The following SLC36A1 variants were observed in gnomAD, a reference collection of about 807,000 sequenced individuals.
SLC36A1 encodes solute carrier family 36 member 1.
A neutral mutation model predicts 47.5 loss-of-function variants in SLC36A1; 30 were observed. The ratio of observed to expected loss-of-function variants is 0.63; its 90% CI spans 0.47 to 0.86. SLC36A1 has a LOEUF of 0.86. Among genes scored for constraint, SLC36A1 ranks in the 40% least tolerant of loss-of-function variants. SLC36A1 has a pLI of 0.00. For missense variants in SLC36A1, 517 were observed against 606.0 expected (o/e 0.85, Z 1.54); for synonymous variants, 255 against 249.7 (o/e 1.02, Z -0.20).
rs183643015 is a variant in SLC36A1 at position 151,485,455 on chromosome 5, T to C, written c.1160-2528T>C. Among the ~76,000 whole-genome samples the C allele has an allele frequency of 6.6e-5, 10 of 152,314 alleles. No individual in the cohort carries two copies. The East Asian group carries it at 1.7e-3, about 26-fold the overall frequency. ...TGATCGTGTGCTGGGTTCTCCACCATGCACCATGGTGCATCCCTGTGAAAG... is the reference window on the plus strand; with the variant it reads ...TGATCGTGTGCTGGGTTCTCCACCACGCACCATGGTGCATCCCTGTGAAAG... On this transcript the variant is annotated intron_variant, in intron 10 of 10. Transcript: ENST00000243389.
At chr5:151,549,133 G>T in the SLC36A1 span, among the ~76,000 whole-genome samples, 2 of 152,288 alleles carry the variant, frequency 1.3e-5, no homozygotes, top group East Asian at 3.9e-4. Context: ...ACCTTTGGAA[G>T]TGCATTAATT....
At chr5:151,365,323 G>A in the SLC36A1 span, among the ~76,000 whole-genome samples, 1 of 152,326 alleles carries the variant, frequency 6.6e-6, no homozygotes, top group African/African-American at 2.4e-5. Context: ...TAGATGTGAT[G>A]TTAATGCTCA....
chr5:151,458,836 G>A lies in SLC36A1; in HGVS notation c.44G>A (p.Ser15Asn). The change falls in exon 2 of 11, where the codon AGC (serine) becomes AAC (asparagine). Residue 15 changes from serine (S) to asparagine (N), a missense_variant. By Grantham distance (46) the Ser-to-Asn change is conservative. Transcript: ENST00000243389. The part of the protein sequence containing the change: ...RLRNEDYHDY[S>N]STDVSPEESP... The stretch of plus-strand genomic sequence containing the variant: ...CGGAATGAAGACTACCACGACTACA[G>A]CTCCACGGACGTGAGCCCTGAGGAG... 1.9e-6 allele frequency: 3 copies of A among 1,614,080 alleles called. No individual in the cohort carries two copies. Among genetic ancestry groups the A allele is most frequent in the African/African-American group, 1.3e-5 (1 of 75,032 alleles).
chr5:151,514,764 C>T, the SLC36A1 span, among the ~76,000 whole-genome samples: 3,527 of 152,272 alleles, frequency 0.023, 49 homozygotes, highest in Non-Finnish European at 0.035. Flanking sequence ...CCTGCAGGCA[C>T]TTTCACCATC....
the SLC36A1 span, chr5:151,381,208 T>G: frequency 2.7e-6 from 1 of 370,202 alleles, no homozygotes; most frequent in South Asian, 2.6e-5. Context: ...ATGGACTATA[T>G]GCCTCCTCCT....
At chr5:151,352,624 T>C in the SLC36A1 span, among the ~76,000 whole-genome samples, 1 of 152,226 alleles carries the variant, frequency 6.6e-6, no homozygotes, top group Non-Finnish European at 1.5e-5. Flanking sequence ...CCAGAGGCTA[T>C]GAAGGAAAAT....
chr5:151,476,559 C>T, intron 8 of SLC36A1, 31 bp from the exon 9 acceptor site: 3 of 1,409,862 alleles, frequency 2.1e-6, no homozygotes, highest in Admixed American at 2.5e-5. Context: ...TTTTTCTGCA[C>T]TTTCTCTCCT....
At chr5:151,441,001 GC>G (rs1161719663) in intron 1 of SLC36A1, among the ~76,000 whole-genome samples, 1 of 152,196 alleles carries the variant, frequency 6.6e-6, no homozygotes, top group East Asian at 1.9e-4. Flanking sequence ...TTTTCAAAAT[GC>G]AGATTGCTGT....
chr5:151,474,159 C>CAAAAAAAAAAAAAAAAAAAAAAA (rs1156305401), intron 8 of SLC36A1, among the ~76,000 whole-genome samples: 12 of 59,944 alleles, frequency 2.0e-4, no homozygotes, highest in African/African-American at 1.0e-3. Flanking sequence ...GACTCTGTCT[C>CAAAAAAAAAAAAAAAAAAAAAAA]AAAAAAAAAA....
chr5:151,365,832 C>T, the SLC36A1 span, among the ~76,000 whole-genome samples: 3 of 152,164 alleles, frequency 2.0e-5, no homozygotes, highest in African/African-American at 4.8e-5. Flanking sequence ...AGTGGCATAA[C>T]GTATGGGATG....
intron 7 of SLC36A1, among the ~76,000 whole-genome samples, chr5:151,473,191 TA>T (rs1757560166): frequency 6.8e-6 from 1 of 148,128 alleles, no homozygotes. Context: ...GATAGATAGA[TA>T]GATAGATAGA....
the SLC36A1 span, among the ~76,000 whole-genome samples, chr5:151,424,677 A>G: frequency 1.3e-5 from 2 of 151,672 alleles, no homozygotes; most frequent in Admixed American, 6.6e-5. Flanking sequence ...GATGAGAATA[A>G]TCATTAATAA....
upstream of SLC36A1, among the ~76,000 whole-genome samples, chr5:151,447,166 G>C: frequency 6.6e-6 from 1 of 152,276 alleles, no homozygotes; most frequent in South Asian, 2.1e-4. Context: ...TTAAAAATTT[G>C]AATGTATTAA....
chr5:151,426,277 G>A, the SLC36A1 span, among the ~76,000 whole-genome samples: 1 of 151,986 alleles, frequency 6.6e-6, no homozygotes. Flanking sequence ...GGGGACCGGT[G>A]CTCAGCATAT....
At chr5:151,365,889 C>A in the SLC36A1 span, among the ~76,000 whole-genome samples, 3 of 152,118 alleles carry the variant, frequency 2.0e-5, no homozygotes, top group Non-Finnish European at 4.4e-5. Context: ...TTGGTGGTGC[C>A]TCCTGGTGGT....
At chr5:151,521,435 A>C in the SLC36A1 span, 8 of 1,614,088 alleles carry the variant, frequency 5.0e-6, no homozygotes, top group Non-Finnish European at 6.8e-6. Flanking sequence ...GGCATAGCTG[A>C]CCGCATCTGA....
At chr5:151,521,125 C>T in the SLC36A1 span, 1 of 714,006 alleles carries the variant, frequency 1.4e-6, no homozygotes, top group African/African-American at 1.8e-5. Flanking sequence ...TTTTGTGAGG[C>T]CACTAGCCGT....
the SLC36A1 span, among the ~76,000 whole-genome samples, chr5:151,517,435 G>A: frequency 6.6e-6 from 1 of 152,226 alleles, no homozygotes; most frequent in Admixed American, 6.5e-5. Context: ...ATATCTCCAG[G>A]TTGGGTGGCT....
In SLC36A1 at chr5:151,473,967, C is replaced by T. The variant is rs543588492; in HGVS notation, c.822+196C>T. ...TTGAGGTCAGGAGTTCGAAACCAGC[C>T]TGGCCAACATGGTGAAACCCCATCT... On this transcript the variant is annotated intron_variant, in intron 8 of 10. Coordinates refer to ENST00000243389, the MANE Select transcript of SLC36A1 (RefSeq NM_078483.4). Among the ~76,000 whole-genome samples the T allele has an allele frequency of 4.0e-5, 6 of 151,788 alleles. No homozygotes were observed. In the South Asian group the frequency reaches 1.3e-3, roughly 32 times the overall value.
Sources: allele counts gnomAD v4.1 joint callset (sites outside exome capture counted in the v4.1 genomes callset), GRCh38; gene constraint gnomAD v4.1.1; transcripts MANE v1.5; gene names NCBI Gene and HGNC (gene_info 2026-07-23, HGNC 2026-07-21).